Variants in ZNF618 observed in about 807,000 individuals in gnomAD.
ZNF618 encodes the protein neural precursor cell expressed, developmentally down-regulated 10.
ZNF618 carries 34 observed loss-of-function variants against 103.0 expected under a neutral mutation model. The observed-to-expected ratio is 0.33, with a 90% CI of 0.25 to 0.44. The LOEUF (loss-of-function observed/expected upper bound fraction) is 0.44. ZNF618 is among the 20% of genes least tolerant of loss of function. ZNF618 has a pLI of 1.00. For missense variants in ZNF618, 1,059 were observed against 1,295.4 expected (o/e 0.82, Z 2.80); for synonymous variants, 551 against 542.2 (o/e 1.02, Z -0.23).
intron 13 of ZNF618, among the ~76,000 whole-genome samples, chr9:114,043,345 C>G (rs1051530473): frequency 2.0e-5 from 3 of 152,160 alleles, no homozygotes; most frequent in Non-Finnish European, 2.9e-5. Flanking sequence ...ACATTTCTAC[C>G]AACAGTGTAT....
Position 114,048,938 on chromosome 9 carries a change from T to A in ZNF618, c.1636T>A (p.Cys546Ser). 1 of 1,609,192 alleles carries A rather than the reference T, an allele frequency of 6.2e-7. No homozygotes were observed. The highest frequency in any genetic ancestry group is 2.2e-5 in the East Asian group (1 of 44,666). Residue 546 changes from cysteine (C) to serine (S), a missense_variant, in exon 15 of 15, where the codon TGC becomes AGC. Transcript: ENST00000374126. ...KVTCALGSNA[C>S]LGIGVTCHSQ... Reference sequence around the variant, plus strand: ...GACCTGTGCCTTGGGCAGCAATGCCTGCCTAGGCATCGGTGTCACCTGCCA... The same window carrying A: ...GACCTGTGCCTTGGGCAGCAATGCCAGCCTAGGCATCGGTGTCACCTGCCA...
At chr9:113,913,894 A>G (rs77776856) in intron 1 of ZNF618, among the ~76,000 whole-genome samples, 7,576 of 152,252 alleles carry the variant, frequency 0.05, 286 homozygotes, top group African/African-American at 0.097. Context: ...CCACGGGGAC[A>G]TGGGAGAGGA....
intron 10 of ZNF618, among the ~76,000 whole-genome samples, chr9:114,023,706 T>C (rs1358901739): frequency 6.6e-6 from 1 of 152,138 alleles, no homozygotes; most frequent in East Asian, 1.9e-4. Context: ...CACATATTTT[T>C]TTGAAGGATT....
rs1429105137 is a variant in ZNF618 at position 114,055,613 on chromosome 9, C to G, written c.*5446C>G. The G allele has an allele frequency of 6.7e-6, 1 of 149,050 alleles. No homozygotes were observed. The highest frequency in any genetic ancestry group is 1.5e-5 in the Non-Finnish European group (1 of 67,404). The allele number at this position is 149,050 out of a possible 1,614,324, so 9.2% of individuals were successfully genotyped here. On this transcript the variant is annotated 3_prime_UTR_variant, in exon 15 of 15. Coordinates refer to ENST00000374126, the MANE Select transcript of ZNF618 (RefSeq NM_001318042.2). ...ACTCAGTAACCACGTGCGTGCACCC[C>G]CGCATCCTTTCTCAGTAGTTAAGAC... is the stretch of plus-strand genomic sequence containing the variant.
At chr9:113,902,017 A>T (rs144452346) in intron 1 of ZNF618, among the ~76,000 whole-genome samples, 20 of 151,720 alleles carry the variant, frequency 1.3e-4, no homozygotes, top group Admixed American at 2.6e-4. Context: ...TGCAATACAG[A>T]CTCTCTTTCT....
chr9:114,008,511 G>A lies in ZNF618; in HGVS notation c.711G>A (p.Glu237=). The A allele has an allele frequency of 6.2e-7, 1 of 1,613,986 alleles. No individual in the cohort carries two copies. The highest frequency in any genetic ancestry group is 8.5e-7 in the Non-Finnish European group (1 of 1,179,872). Reference sequence around the variant, plus strand: ...ACCAAGGTGTCGTGGCCACGGACGAGGTGAAGGAGGAGCCCCCGGAGCCAT... The same window carrying A: ...ACCAAGGTGTCGTGGCCACGGACGAAGTGAAGGAGGAGCCCCCGGAGCCAT... ...PFDQGVVATD[E]VKEEPPEPFQ... is the part of the protein sequence containing the mutation. Residue 237 remains glutamate, a synonymous_variant, in exon 9 of 15, where the codon GAG becomes GAA. Coordinates refer to ENST00000374126, the MANE Select transcript of ZNF618 (RefSeq NM_001318042.2).
At chr9:114,025,623 G>A (rs1267932865) in intron 10 of ZNF618, among the ~76,000 whole-genome samples, 1 of 152,192 alleles carries the variant, frequency 6.6e-6, no homozygotes, top group Non-Finnish European at 1.5e-5. Context: ...CTGTTAAGTA[G>A]AATGAGTCAG....
At chr9:113,907,336 C>T (rs559168218) in intron 1 of ZNF618, among the ~76,000 whole-genome samples, 34 of 152,218 alleles carry the variant, frequency 2.2e-4, no homozygotes, top group Non-Finnish European at 4.4e-4. Flanking sequence ...CTAGAGCAAG[C>T]TCACCCACTC....
intron 1 of ZNF618, among the ~76,000 whole-genome samples, chr9:113,962,441 A>G (rs995325644): frequency 1.3e-5 from 2 of 152,328 alleles, no homozygotes; most frequent in East Asian, 3.9e-4. Context: ...AATGTAAGTC[A>G]AAGTATGTCA....
chr9:113,995,555 A>T (rs528075213), intron 3 of ZNF618, among the ~76,000 whole-genome samples: 16 of 152,326 alleles, frequency 1.1e-4, no homozygotes, highest in African/African-American at 3.8e-4. Context: ...CACATATGTA[A>T]GTAGCTGGCA....
rs963111143 is a variant in ZNF618, at chr9:114,056,411, C to T, written c.*6244C>T. The T allele has an allele frequency of 3.3e-5, 5 of 152,182 alleles. No homozygotes were observed. The highest frequency in any genetic ancestry group is 6.5e-5 in the Admixed American group (1 of 15,284). The allele number at this position is 152,182 out of a possible 1,614,324, so 9.4% of individuals were successfully genotyped here. ...GAAGGTTCCACTCGGTTCTTTAAGTCGCCAAAAGCCCCAGCCCGGGATTCA... is the reference window on the plus strand; with the variant it reads ...GAAGGTTCCACTCGGTTCTTTAAGTTGCCAAAAGCCCCAGCCCGGGATTCA... On this transcript the variant is annotated 3_prime_UTR_variant, in exon 15 of 15. Transcript: ENST00000374126.
At chr9:113,921,279 C>G (rs1173758962) in intron 1 of ZNF618, among the ~76,000 whole-genome samples, 3 of 152,162 alleles carry the variant, frequency 2.0e-5, no homozygotes, top group Non-Finnish European at 2.9e-5. Flanking sequence ...TGTTATGCAC[C>G]TAGATTCTGC....
intron 1 of ZNF618, among the ~76,000 whole-genome samples, chr9:113,945,649 C>A (rs889340970): frequency 1.6e-4 from 24 of 152,222 alleles, no homozygotes; most frequent in Non-Finnish European, 2.6e-4. Flanking sequence ...AGGGCGTCAG[C>A]CCCTGTGGCC....
At chr9:113,879,397 G>GTGT in intron 1 of ZNF618, among the ~76,000 whole-genome samples, 3 of 95,600 alleles carry the variant, frequency 3.1e-5, no homozygotes, top group African/African-American at 1.3e-4. Context: ...TTTTTTTTCT[G>GTGT]TTTTTTTTTT....
At chr9:113,899,983 A>T (rs1225942573) in intron 1 of ZNF618, among the ~76,000 whole-genome samples, 19 of 152,124 alleles carry the variant, frequency 1.2e-4, no homozygotes, top group Admixed American at 1.2e-3. Context: ...TTTTTTTGGT[A>T]TGTACCTAGA....
At chr9:113,996,270 C>A (rs1588277356) in intron 3 of ZNF618, among the ~76,000 whole-genome samples, 1 of 152,178 alleles carries the variant, frequency 6.6e-6, no homozygotes, top group Non-Finnish European at 1.5e-5. Flanking sequence ...GTTCTCTGAA[C>A]AGTGGCTCCT....
At chr9:113,901,458 A>G (rs1372158110) in intron 1 of ZNF618, among the ~76,000 whole-genome samples, 3 of 152,156 alleles carry the variant, frequency 2.0e-5, no homozygotes, top group Admixed American at 1.3e-4. Flanking sequence ...TCTGGTCTCA[A>G]CTTTTTTCTT....
intron 6 of ZNF618, 147 bp from the exon 7 acceptor site, chr9:114,007,203 C>A: frequency 1.5e-6 from 1 of 675,782 alleles, no homozygotes; most frequent in Non-Finnish European, 2.5e-6. Flanking sequence ...TCAGTTTCCT[C>A]ATGTGTAAAA....
intron 9 of ZNF618, among the ~76,000 whole-genome samples, chr9:114,015,869 A>C (rs990363439): frequency 3.3e-5 from 5 of 152,240 alleles, no homozygotes; most frequent in Non-Finnish European, 7.3e-5. Context: ...ATGTCGGTTG[A>C]ATACACCAGA....
Sources: allele counts gnomAD v4.1 joint callset (sites outside exome capture counted in the v4.1 genomes callset), GRCh38; gene constraint gnomAD v4.1.1; transcripts MANE v1.5; gene names NCBI Gene and HGNC (gene_info 2026-07-23, HGNC 2026-07-21).